FGF13: variants seen among roughly 807,000 people sequenced by gnomAD.
FGF13 encodes the protein fibroblast growth factor 13, also known as fibroblast growth factor homologous factor 2.
A neutral mutation model predicts 19.5 loss-of-function variants in FGF13; 2 were observed. The observed-to-expected ratio is 0.10, with a 90% CI of 0.04 to 0.32. The LOEUF is 0.32. Among genes scored for constraint, FGF13 ranks in the 10% least tolerant of loss-of-function variants. FGF13 has a pLI of 1.00. For synonymous variants in FGF13, 72 were observed against 76.9 expected (o/e 0.94, Z 0.33); for missense variants, 113 against 192.7 (o/e 0.59, Z 2.45).
chrX:138,838,918 G>A (rs2091130969), intron 3 of FGF13, among the ~76,000 whole-genome samples: 1 of 111,620 alleles, frequency 9.0e-6, no homozygotes, highest in African/African-American at 3.3e-5. Flanking sequence ...TTTTACATGT[G>A]AGAAATACAT....
At chrX:138,826,870 C>A (rs1406626316) in intron 3 of FGF13, among the ~76,000 whole-genome samples, 2 of 112,083 alleles carry the variant, frequency 1.8e-5, no homozygotes, top group Non-Finnish European at 3.8e-5. Flanking sequence ...AGCTACATAC[C>A]TTAAGTAACT....
intron 3 of FGF13, among the ~76,000 whole-genome samples, chrX:138,840,855 A>G (rs1250103151): frequency 8.9e-6 from 1 of 111,820 alleles, no homozygotes; most frequent in East Asian, 2.8e-4. Flanking sequence ...GCTCCAAATT[A>G]TTCTTCCACA....
At chrX:138,867,538 C>A (rs909192837) in intron 1 of FGF13, among the ~76,000 whole-genome samples, 2 of 110,752 alleles carry the variant, frequency 1.8e-5, no homozygotes, top group Non-Finnish European at 1.9e-5. Flanking sequence ...CAAGGAGGAG[C>A]AAATCACATG....
At chrX:138,911,868 T>C (rs757977783) in intron 1 of FGF13, among the ~76,000 whole-genome samples, 1 of 111,940 alleles carries the variant, frequency 8.9e-6, no homozygotes, top group Non-Finnish European at 1.9e-5. Context: ...TCTCAGAAGA[T>C]ACTCAGGAAT....
intron 3 of FGF13, among the ~76,000 whole-genome samples, chrX:138,775,802 T>C (rs1256551114): frequency 8.9e-6 from 1 of 112,988 alleles, no homozygotes; most frequent in Non-Finnish European, 1.9e-5. Context: ...TTGCAATTTA[T>C]GCAGCTGACT....
chrX:139,054,345 G>C (rs956202067), intron 1 of FGF13, among the ~76,000 whole-genome samples: 2 of 109,401 alleles, frequency 1.8e-5, no homozygotes, highest in African/African-American at 6.7e-5. Flanking sequence ...GGATGTTCTC[G>C]ATCTCCTGAC....
intron 3 of FGF13, among the ~76,000 whole-genome samples, chrX:138,848,729 C>A (rs772303232): frequency 1.8e-5 from 2 of 111,498 alleles, no homozygotes; most frequent in Admixed American, 9.6e-5. Context: ...TGAGCTCAGG[C>A]GTCAGTAGTA....
At chrX:139,173,801 A>G (rs58096887) in intron 1 of FGF13, among the ~76,000 whole-genome samples, 4,419 of 111,808 alleles carry the variant, frequency 0.04, 188 homozygotes, top group African/African-American at 0.12. Context: ...CCAGTCTATC[A>G]TTGATGGGCA....
chrX:138,693,249 A>C (rs1235279118), intron 3 of FGF13, among the ~76,000 whole-genome samples: 1 of 111,852 alleles, frequency 8.9e-6, no homozygotes, highest in Non-Finnish European at 1.9e-5. Context: ...CTTGAAAATT[A>C]AGCTGATTTA....
intron 3 of FGF13, among the ~76,000 whole-genome samples, chrX:138,663,775 A>G (rs189066635): frequency 4.8e-4 from 53 of 111,571 alleles, no homozygotes; most frequent in African/African-American, 1.7e-3. Flanking sequence ...CAAAATCCAA[A>G]TACAATTTGT....
chrX:138,928,481 T>G (rs755030101), intron 1 of FGF13, among the ~76,000 whole-genome samples: 1 of 110,732 alleles, frequency 9.0e-6, no homozygotes, highest in South Asian at 3.9e-4. Context: ...TTTCGGCCTT[T>G]GAGGGACACA....
intron 1 of FGF13, among the ~76,000 whole-genome samples, chrX:139,188,552 C>A (rs2148275548): frequency 9.0e-6 from 1 of 111,664 alleles, no homozygotes; most frequent in Admixed American, 9.5e-5. Context: ...CACAGCACTT[C>A]AGAGGTGGCA....
intron 1 of FGF13, among the ~76,000 whole-genome samples, chrX:138,947,741 T>C (rs775043604): frequency 8.9e-6 from 1 of 111,917 alleles, no homozygotes; most frequent in African/African-American, 3.2e-5. Context: ...GGGGCTGAAC[T>C]GTCACTACCC....
intron 1 of FGF13, among the ~76,000 whole-genome samples, chrX:139,115,488 AG>A (rs2083633601): frequency 9.0e-6 from 1 of 111,636 alleles, no homozygotes; most frequent in Non-Finnish European, 1.9e-5. Flanking sequence ...GAAGGCCAGC[AG>A]GCATCTTGGA....
intron 3 of FGF13, among the ~76,000 whole-genome samples, chrX:138,660,040 CTTCT>C (rs2089475353): frequency 9.0e-6 from 1 of 110,642 alleles, no homozygotes; most frequent in Non-Finnish European, 1.9e-5. Flanking sequence ...CAAGCCTGCA[CTTCT>C]GCACATGTAT....
At chrX:139,156,670 T>G (rs1415437187) in intron 1 of FGF13, among the ~76,000 whole-genome samples, 1 of 111,867 alleles carries the variant, frequency 8.9e-6, no homozygotes, top group Non-Finnish European at 1.9e-5. Context: ...TGATAGTATT[T>G]ATTCTAACAT....
intron 1 of FGF13, among the ~76,000 whole-genome samples, chrX:138,932,506 C>T (rs1446860332): frequency 7.6e-4 from 76 of 99,494 alleles, no homozygotes; most frequent in Non-Finnish European, 1.3e-3. Context: ...TTGAACCCGG[C>T]GCGGGAGGGC....
intron 3 of FGF13, among the ~76,000 whole-genome samples, chrX:138,770,435 C>T (rs995284678): frequency 1.8e-5 from 2 of 110,740 alleles, no homozygotes; most frequent in Non-Finnish European, 3.8e-5. Context: ...CCTAGAATGC[C>T]TTTTCTCCCT....
intron 1 of FGF13, among the ~76,000 whole-genome samples, chrX:138,989,739 T>A (rs1290326213): frequency 1.2e-5 from 1 of 85,392 alleles, no homozygotes; most frequent in East Asian, 3.5e-4. Flanking sequence ...ACAATCATAA[T>A]TTACTATTAA....
Sources: allele counts gnomAD v4.1 joint callset (sites outside exome capture counted in the v4.1 genomes callset), GRCh38; gene constraint gnomAD v4.1.1; transcripts MANE v1.5; gene names NCBI Gene and HGNC (gene_info 2026-07-23, HGNC 2026-07-21).